SH2D3C: variants seen among roughly 807,000 people sequenced by gnomAD.
The protein encoded by SH2D3C is SH2 domain containing 3C.
In SH2D3C, 25 loss-of-function variants were observed where a neutral mutation model predicts 75.2. That is an observed-to-expected ratio of 0.33 (90% CI 0.24 to 0.46). The LOEUF (loss-of-function observed/expected upper bound fraction) is 0.46, where lower values mean the gene tolerates loss of function less well. SH2D3C is among the 20% of genes least tolerant of loss of function. The pLI, the probability that SH2D3C is intolerant of heterozygous loss-of-function variation, is 1.00. For missense variants in SH2D3C, 933 were observed against 1,165.3 expected (o/e 0.80, Z 2.90); for synonymous variants, 450 against 473.7 (o/e 0.95, Z 0.65).
chr9:127,767,733 T>C (rs1299188495), intron 2 of SH2D3C, among the ~76,000 whole-genome samples: 1 of 152,188 alleles, frequency 6.6e-6, no homozygotes, highest in East Asian at 1.9e-4. Flanking sequence ...AAGCCCAGAA[T>C]AAATGCTCCA....
At chr9:127,745,547 T>G (rs1309276848) in intron 6 of SH2D3C, among the ~76,000 whole-genome samples, 1 of 122,344 alleles carries the variant, frequency 8.2e-6, no homozygotes. Context: ...CACTGCAACC[T>G]CCACCTCCTG....
chr9:127,755,309 CG>C (rs1480664538), intron 3 of SH2D3C: 2 of 149,322 alleles, frequency 1.3e-5, no homozygotes, highest in African/African-American at 2.6e-5. Context: ...AGCGGGGAGG[CG>C]GGGCGGGGAG....
intron 5 of SH2D3C, among the ~76,000 whole-genome samples, chr9:127,748,159 G>C (rs1845089203): frequency 6.6e-6 from 1 of 152,190 alleles, no homozygotes; most frequent in Non-Finnish European, 1.5e-5. Flanking sequence ...CCTGGAGAAT[G>C]GTCTGGGGAG....
intron 2 of SH2D3C, among the ~76,000 whole-genome samples, chr9:127,766,429 A>G (rs1271489301): frequency 1.3e-5 from 2 of 152,238 alleles, no homozygotes; most frequent in Admixed American, 6.5e-5. Context: ...TGAGGACCAC[A>G]TGAGAAGGAG....
At chr9:127,743,006 C>A (rs1175822101) in intron 7 of SH2D3C, 42 bp from the exon 8 acceptor site, 4 of 1,482,482 alleles carry the variant, frequency 2.7e-6, no homozygotes, top group Non-Finnish European at 3.7e-6. Context: ...CCTGTCAGGG[C>A]TGGCCCCAGC....
At position 127,745,082 on chromosome 9, in the gene SH2D3C, C is replaced by T. The variant is rs763971193; in HGVS notation, c.1282G>A (p.Ala428Thr). The T allele has an allele frequency of 1.0e-5, 15 of 1,503,020 alleles. No individual in the cohort carries two copies. In the Admixed American group the frequency reaches 2.1e-4, roughly 21 times the overall value. 93.1% of individuals were successfully genotyped at this position (1,503,020 alleles called of 1,614,324 possible). Residue 428 changes from alanine to threonine, a missense_variant, in exon 7 of 12, where the codon GCC (alanine) becomes ACC (threonine). Ala to Thr is a moderately conservative substitution (Grantham distance 58). Coordinates refer to ENST00000314830, the MANE Select transcript of SH2D3C (RefSeq NM_170600.3). ...AYSTVTRVHA[A>T]PAAPSATALP... ...GCTGTGGCAGAAGGGGCTGCAGGGG[C>T]GGCATGGACACGGGTTACTGCAGAA...
intron 3 of SH2D3C, among the ~76,000 whole-genome samples, chr9:127,753,871 T>TC (rs1049111836): frequency 3.9e-5 from 6 of 152,180 alleles, no homozygotes; most frequent in Non-Finnish European, 8.8e-5. Flanking sequence ...GGCTGGATGT[T>TC]GAAGAACCGC....
In SH2D3C at chr9:127,739,562, A is replaced by G; in HGVS notation, c.2407+120T>C. 1.3e-6 allele frequency: 1 copy of G among 799,270 alleles called. No individual in the cohort carries two copies. The highest frequency in any genetic ancestry group is 1.9e-6 in the Non-Finnish European group (1 of 517,968). 49.5% of individuals were successfully genotyped at this position (799,270 alleles called of 1,614,324 possible). A position where few individuals can be genotyped will look rare whatever the true frequency, so the allele number is the denominator to read the frequency against. ...GACATGAGAGGAAGGGGTCAGGGAG[A>G]CAGGGCAGGACAGAGGAGTGGAGAA... On this transcript the variant is annotated intron_variant, in intron 11 of 11. Coordinates refer to ENST00000314830, the MANE Select transcript of SH2D3C (RefSeq NM_170600.3). The surrounding 1 kb of genome is among the most constrained non-coding windows in gnomAD (Gnocchi z 4.3).
At chr9:127,750,182 A>ATT (rs1845159381) in intron 4 of SH2D3C, among the ~76,000 whole-genome samples, 1 of 151,046 alleles carries the variant, frequency 6.6e-6, no homozygotes, top group Non-Finnish European at 1.5e-5. Flanking sequence ...TATTATTATT[A>ATT]AGATGGAGTC....
chr9:127,745,095 G>C lies in SH2D3C; in HGVS notation c.1269C>G (p.Thr423=). 6.7e-7 allele frequency: 1 copy of C among 1,499,948 alleles called. No homozygotes were observed. The highest frequency in any genetic ancestry group is 8.9e-7 in the Non-Finnish European group (1 of 1,127,246). The allele number at this position is 1,499,948 out of a possible 1,614,324, so 92.9% of individuals were successfully genotyped here. Residue 423 remains threonine, a synonymous_variant, in exon 7 of 12, where the codon ACC becomes ACG. Transcript: ENST00000314830. ...GGGCTGCAGGGGCGGCATGGACACG[G>C]GTTACTGCAGAAAGGTAGAGAGAGA... is the stretch of plus-strand genomic sequence containing the variant. ...SPSSPAYSTV[T]RVHAAPAAPS... is the part of the protein sequence containing the mutation.
chr9:127,773,933 A>G (rs1413277825), intron 2 of SH2D3C, 57 bp downstream of exon 2: 12 of 1,047,292 alleles, frequency 1.1e-5, no homozygotes, highest in Admixed American at 4.5e-5. Context: ...AAAAAAAAAG[A>G]AAAAGAAAAA....
At position 127,742,794 on chromosome 9, in the gene SH2D3C, G is replaced by A. The variant is rs1316511551; in HGVS notation, c.1916+55C>T. On this transcript the variant is annotated intron_variant, in intron 8 of 11. Transcript: ENST00000314830. ...TTGGCCAACCCGCCCCGTCCAGCGG[G>A]GAGTGCGGTAGCCGGGGGTTCCCCG... The A allele has an allele frequency of 4.3e-6, 6 of 1,402,382 alleles. No homozygotes were observed. In the South Asian group the frequency reaches 5.0e-5, roughly 12 times the overall value. 86.9% of individuals were successfully genotyped at this position (1,402,382 alleles called of 1,614,324 possible). A position where few individuals can be genotyped will look rare whatever the true frequency, so the allele number is the denominator to read the frequency against.
intron 6 of SH2D3C, among the ~76,000 whole-genome samples, chr9:127,746,766 C>T (rs1564412836): frequency 6.6e-6 from 1 of 152,140 alleles, no homozygotes; most frequent in Non-Finnish European, 1.5e-5. Context: ...GACGAAACAC[C>T]GTCTCTACTA....
intron 2 of SH2D3C, among the ~76,000 whole-genome samples, chr9:127,769,272 C>T (rs1845689457): frequency 6.6e-6 from 1 of 152,182 alleles, no homozygotes; most frequent in Non-Finnish European, 1.5e-5. Flanking sequence ...AGTTATTAGC[C>T]TCACAAAAAT....
At chr9:127,745,132 A>G in intron 6 of SH2D3C, 33 bp from the exon 7 acceptor site, 1 of 1,462,152 alleles carries the variant, frequency 6.8e-7, no homozygotes, top group Non-Finnish European at 9.0e-7. Context: ...GCCCCGTTAT[A>G]GCAGCTCCCC....
chr9:127,748,584 G>A (rs1039585390), intron 5 of SH2D3C, among the ~76,000 whole-genome samples: 3 of 152,228 alleles, frequency 2.0e-5, no homozygotes, highest in Non-Finnish European at 4.4e-5. Flanking sequence ...CAAATTGGGT[G>A]TATGGGCAGG....
intron 5 of SH2D3C, among the ~76,000 whole-genome samples, chr9:127,748,268 A>G (rs1231016665): frequency 6.6e-6 from 1 of 152,056 alleles, no homozygotes; most frequent in Non-Finnish European, 1.5e-5. Context: ...TCAGGCACAC[A>G]TGGTCCGTGG....
chr9:127,771,493 C>A, intron 2 of SH2D3C: 3 of 731,796 alleles, frequency 4.1e-6, no homozygotes, highest in Middle Eastern at 4.3e-4. Context: ...CAGTCAGTGT[C>A]GGGAAGGCCT....
intron 2 of SH2D3C, chr9:127,762,078 A>C: frequency 7.6e-6 from 3 of 396,258 alleles, no homozygotes; most frequent in South Asian, 1.0e-4. Context: ...CCCTGACTCT[A>C]AACACTGGAG....
Sources: allele counts gnomAD v4.1 joint callset (sites outside exome capture counted in the v4.1 genomes callset), GRCh38; gene constraint gnomAD v4.1.1; non-coding constraint Gnocchi (gnomAD v3.1); transcripts MANE v1.5; gene names NCBI Gene and HGNC (gene_info 2026-07-23, HGNC 2026-07-21).